Variants in MISP observed in about 807,000 individuals in gnomAD.
MISP encodes the protein mitotic spindle positioning.
Under a neutral mutation model 49.3 loss-of-function variants are expected in MISP, and 51 were observed. The observed-to-expected ratio is 1.03, with a 90% confidence interval of 0.83 to 1.31. MISP has a LOEUF of 1.31. Ranked by LOEUF, MISP falls within the 50% of genes most tolerant of loss-of-function variation. The pLI is 0.00. For missense variants in MISP, 1,084 were observed against 935.1 expected (o/e 1.16, Z -2.08); for synonymous variants, 444 against 392.6 (o/e 1.13, Z -1.55).
Position 758,434 on chromosome 19 carries a change from G to A in MISP, c.1488G>A (p.Arg496=), listed in dbSNP as rs1192855555. Residue 496 remains arginine (R), a synonymous_variant, in exon 2 of 5, where the codon AGG becomes AGA. Coordinates refer to ENST00000215582, the MANE Select transcript of MISP (RefSeq NM_173481.4). ...CTCGGGGATGCCCGCAAGCCAACAG[G>A]GGTGTCGTGCGGTGGGAGTACTTCC... ...KPPRGCPQAN[R]GVVRWEYFRL... The A allele has an allele frequency of 6.2e-7, 1 of 1,614,226 alleles. No homozygotes were observed. Among genetic ancestry groups the A allele is most frequent in the Non-Finnish European group, 8.5e-7 (1 of 1,180,048 alleles).
At position 757,306 on chromosome 19, in the gene MISP, G is replaced by A. The variant is rs571637637; in HGVS notation, c.360G>A (p.Glu120=). Residue 120 remains glutamate, a synonymous_variant, in exon 2 of 5, where the codon GAG becomes GAA. Transcript: ENST00000215582. ...ALRPEDGEDK[E]MKTYRLDAGD... ...GCCCAGAGGACGGGGAGGACAAGGA[G>A]ATGAAGACCTACCGCCTGGATGCTG... is the stretch of plus-strand genomic sequence containing the variant. 1 of 1,614,062 alleles carries A rather than the reference G, an allele frequency of 6.2e-7. No homozygotes were observed. The highest frequency in any genetic ancestry group is 1.7e-5 in the Admixed American group (1 of 60,016).
upstream of MISP, among the ~76,000 whole-genome samples, chr19:750,022 G>T (rs62131309): frequency 6.6e-6 from 1 of 151,882 alleles, no homozygotes; most frequent in Non-Finnish European, 1.5e-5. Context: ...CCTCATAGAC[G>T]GCGCTAGGCC....
Position 758,489 on chromosome 19 carries a change from G to A in MISP, c.1543G>A (p.Asp515Asn), listed in dbSNP as rs746769681. The A allele has an allele frequency of 1.9e-6, 3 of 1,614,116 alleles. No homozygotes were observed. In the Admixed American group the frequency reaches 5.0e-5, roughly 27 times the overall value. The change falls in exon 2 of 5, where the codon GAC becomes AAC. Residue 515 changes from aspartate to asparagine, a missense_variant. Coordinates refer to ENST00000215582, the MANE Select transcript of MISP (RefSeq NM_173481.4). Reference sequence around the variant, plus strand: ...GCGTCCTCTGCGGTTCAGGGCCCCAGACGAGCCCCAGCAGGCCCAAGTCCC... The same window carrying A: ...GCGTCCTCTGCGGTTCAGGGCCCCAAACGAGCCCCAGCAGGCCCAAGTCCC... The part of the protein sequence containing the change: ...RLRPLRFRAP[D>N]EPQQAQVPHV...
At chr19:752,160 G>A (rs543258778) in intron 1 of MISP, among the ~76,000 whole-genome samples, 10 of 152,248 alleles carry the variant, frequency 6.6e-5, no homozygotes, top group African/African-American at 2.2e-4. Context: ...CTCGAAAACC[G>A]GAGTCGAAAA....
chr19:749,580 C>G (rs1447251039), upstream of MISP, among the ~76,000 whole-genome samples: 2 of 152,172 alleles, frequency 1.3e-5, no homozygotes, highest in African/African-American at 4.8e-5. Context: ...CCTGTAATCC[C>G]AGCACTTTGG....
intron 2 of MISP, 136 bp downstream of exon 2, chr19:758,862 T>A: frequency 3.0e-6 from 2 of 655,796 alleles, no homozygotes; most frequent in South Asian, 4.4e-5. Flanking sequence ...GTTCATCCCC[T>A]CAGTCGCTGG....
chr19:757,116 C>A lies in MISP; in HGVS notation c.170C>A (p.Ala57Asp), dbSNP rs1422824022. The change falls in exon 2 of 5, where the codon GCC becomes GAC. Residue 57 changes from alanine to aspartate, a missense_variant. By Grantham distance (126) the Ala-to-Asp change is moderately radical. Transcript: ENST00000215582. ...EPQTWPTDHR[A>D]QQGVQRQGVS... ...CAGACATGGCCCACTGACCACAGGG[C>A]CCAGCAGGGCGTGCAGAGGCAGGGG... The A allele has an allele frequency of 2.5e-6, 4 of 1,613,232 alleles. No individual in the cohort carries two copies. Among genetic ancestry groups the A allele is most frequent in the Non-Finnish European group, 3.4e-6 (4 of 1,179,890 alleles).
rs764613701 is a variant in MISP, at chr19:761,631, G to A, written c.1918G>A (p.Gly640Ser). Residue 640 changes from glycine to serine, a missense_variant, in exon 4 of 5, where the codon GGC becomes AGC. By Grantham distance (56) the Gly-to-Ser change is moderately conservative. Coordinates refer to ENST00000215582, the MANE Select transcript of MISP (RefSeq NM_173481.4). ...GQRKKEQWYA[G>S]INPSDGINSE... ...TTGTGTTCCTTTCCTGTAGTACGCT[G>A]GCATCAACCCCTCGGACGGTATCAA... 18 of 1,613,986 alleles carry A rather than the reference G, an allele frequency of 1.1e-5. No individual in the cohort carries two copies. The highest frequency in any genetic ancestry group is 1.7e-5 in the Admixed American group (1 of 59,982).
At position 758,099 on chromosome 19, in the gene MISP, C is replaced by T. The variant is rs1408881996; in HGVS notation, c.1153C>T (p.Pro385Ser). ...CACACCCGACTGGGTCTCGGAGGGTCCCCAGCCCGGACTCCGGAGAGCCCT... is the reference window on the plus strand; with the variant it reads ...CACACCCGACTGGGTCTCGGAGGGTTCCCAGCCCGGACTCCGGAGAGCCCT... ...ASTPDWVSEG[P>S]QPGLRRALSS... The change falls in exon 2 of 5, where the codon CCC becomes TCC. Residue 385 changes from proline to serine, a missense_variant. Transcript: ENST00000215582. 1 of 1,593,618 alleles carries T rather than the reference C, an allele frequency of 6.3e-7. No individual in the cohort carries two copies. The highest frequency in any genetic ancestry group is 8.5e-7 in the Non-Finnish European group (1 of 1,170,526).
intron 1 of MISP, among the ~76,000 whole-genome samples, chr19:752,543 G>A (rs2033475805): frequency 6.6e-6 from 1 of 150,430 alleles, no homozygotes; most frequent in Admixed American, 6.6e-5. Flanking sequence ...AGCGGGGGGC[G>A]GGGGTGGGCA....
At chr19:758,774 G>T in intron 2 of MISP, 48 bp downstream of exon 2, 1 of 1,534,256 alleles carries the variant, frequency 6.5e-7, no homozygotes, top group Non-Finnish European at 8.9e-7. Flanking sequence ...GGTCTCAGAG[G>T]TTGGAGCAGG....
At chr19:752,385 G>A (rs184297697) in intron 1 of MISP, among the ~76,000 whole-genome samples, 2,072 of 152,254 alleles carry the variant, frequency 0.014, 29 homozygotes, top group Non-Finnish European at 0.018. Flanking sequence ...TTAGCCGGGC[G>A]TGGTGGCGGG....
At position 757,218 on chromosome 19, in the gene MISP, G is replaced by T; in HGVS notation, c.272G>T (p.Gly91Val). 1 of 1,613,784 alleles carries T rather than the reference G, an allele frequency of 6.2e-7. No individual in the cohort carries two copies. The highest frequency in any genetic ancestry group is 8.5e-7 in the Non-Finnish European group (1 of 1,179,996). ...GLHSENREDE[G>V]WQVYRLGARD... is the part of the protein sequence containing the mutation. ...CACTCGGAGAACAGGGAGGATGAGG[G>T]TTGGCAGGTTTACCGCCTGGGCGCC... Residue 91 changes from glycine (G) to valine (V), a missense_variant, in exon 2 of 5, where the codon GGT becomes GTT. By Grantham distance (109) the Gly-to-Val change is moderately radical. Coordinates refer to ENST00000215582, the MANE Select transcript of MISP (RefSeq NM_173481.4).
In MISP at chr19:757,269, C is replaced by A. The variant is rs778953408; in HGVS notation, c.323C>A (p.Thr108Lys). The A allele has an allele frequency of 6.2e-7, 1 of 1,613,986 alleles. No homozygotes were observed. The highest frequency in any genetic ancestry group is 8.5e-7 in the Non-Finnish European group (1 of 1,179,984). The stretch of plus-strand genomic sequence containing the variant: ...AGGGATGCCCACCAGGGACGTCCAA[C>A]ATGGGCACTCCGCCCAGAGGACGGG... ...GARDAHQGRP[T>K]WALRPEDGED... Residue 108 changes from threonine (T) to lysine (K), a missense_variant, in exon 2 of 5, where the codon ACA becomes AAA. Coordinates refer to ENST00000215582, the MANE Select transcript of MISP (RefSeq NM_173481.4).
At chr19:750,881 C>T (rs892969088), upstream of MISP, among the ~76,000 whole-genome samples, 32 of 152,168 alleles carry the variant, frequency 2.1e-4, no homozygotes, top group East Asian at 3.9e-4. Context: ...AGGGAGGTTT[C>T]GGCTGAGTTC....
At position 761,796 on chromosome 19, in the gene MISP, T is replaced by C. The variant is rs1405747559; in HGVS notation, c.1950+133T>C. On this transcript the variant is annotated intron_variant, in intron 4 of 4. Coordinates refer to ENST00000215582, the MANE Select transcript of MISP (RefSeq NM_173481.4). Reference sequence around the variant, plus strand: ...GGGTGTCTTCTCAATTGGTAGTGTCTGCTCAGGGTGGATTTTGCTGTGATC... The same window carrying C: ...GGGTGTCTTCTCAATTGGTAGTGTCCGCTCAGGGTGGATTTTGCTGTGATC... The C allele has an allele frequency of 8.3e-5, 78 of 938,686 alleles. No individual in the cohort carries two copies. The East Asian group carries it at 9.0e-4, about 11-fold the overall frequency. The allele number at this position is 938,686 out of a possible 1,614,324, so 58.1% of individuals were successfully genotyped here. A position where few individuals can be genotyped will look rare whatever the true frequency, so the allele number is the denominator to read the frequency against.
chr19:760,251 G>A (rs113603391), intron 3 of MISP, among the ~76,000 whole-genome samples: 14,177 of 151,702 alleles, frequency 0.093, 782 homozygotes, highest in African/African-American at 0.15. Context: ...GGCCATATAA[G>A]CTGGGGTCTT....
At chr19:762,488 G>A (rs1018645070) in intron 4 of MISP, among the ~76,000 whole-genome samples, 2 of 147,982 alleles carry the variant, frequency 1.4e-5, no homozygotes, top group Admixed American at 6.7e-5. Context: ...CCTGACCTCA[G>A]GTAATCCTCC....
At chr19:750,366 A>C (rs73508331), upstream of MISP, among the ~76,000 whole-genome samples, 2,683 of 151,692 alleles carry the variant, frequency 0.018, 81 homozygotes, top group African/African-American at 0.061. Context: ...TACCCCGCTA[A>C]ATTTTGTATT....
Sources: allele counts gnomAD v4.1 joint callset (sites outside exome capture counted in the v4.1 genomes callset), GRCh38; gene constraint gnomAD v4.1.1; transcripts MANE v1.5; gene names NCBI Gene and HGNC (gene_info 2026-07-23, HGNC 2026-07-21).